FRS2: variants seen among roughly 807,000 people sequenced by gnomAD.
FRS2 encodes FGFR signalling adaptor.
In FRS2, 8 loss-of-function variants were observed where a neutral mutation model predicts 43.9. The ratio of observed to expected loss-of-function variants is 0.18; its 90% CI spans 0.11 to 0.33. The LOEUF is 0.33. FRS2 is among the 10% of genes least tolerant of loss of function. The pLI is 1.00. For missense variants in FRS2, 534 were observed against 627.6 expected (o/e 0.85, Z 1.59); for synonymous variants, 219 against 220.3 (o/e 0.99, Z 0.05).
At chr12:69,487,307 G>T (rs1872044475) in intron 1 of FRS2, among the ~76,000 whole-genome samples, 1 of 152,206 alleles carries the variant, frequency 6.6e-6, no homozygotes, top group Non-Finnish European at 1.5e-5. Flanking sequence ...CAAAGGACAG[G>T]CTGACTCTCT....
chr12:69,546,781 A>G (rs1241361937), intron 3 of FRS2, among the ~76,000 whole-genome samples: 1 of 152,196 alleles, frequency 6.6e-6, no homozygotes, highest in Non-Finnish European at 1.5e-5. Context: ...GTCGGTGAGA[A>G]TATAAAATGG....
At chr12:69,478,373 C>G (rs1592906796) in intron 1 of FRS2, among the ~76,000 whole-genome samples, 1 of 152,120 alleles carries the variant, frequency 6.6e-6, no homozygotes, top group East Asian at 1.9e-4. Flanking sequence ...TAAAATATAT[C>G]TAGTGTTATA....
At chr12:69,555,458 G>T (rs1021046433) in intron 3 of FRS2, among the ~76,000 whole-genome samples, 1 of 152,148 alleles carries the variant, frequency 6.6e-6, no homozygotes, top group Non-Finnish European at 1.5e-5. Context: ...GGATAGATGT[G>T]CTCGGATGCA....
rs143193166 is a variant in FRS2 at position 69,476,241 on chromosome 12, C to T, written c.-261+5711C>T. Reference sequence around the variant, plus strand: ...TTGAATTTAATTTTGTCAAGATTCACAGTCAATACTTATAACATATTTCAA... The same window carrying T: ...TTGAATTTAATTTTGTCAAGATTCATAGTCAATACTTATAACATATTTCAA... On this transcript the variant is annotated intron_variant, in intron 1 of 8. Coordinates refer to ENST00000549921, the MANE Select transcript of FRS2 (RefSeq NM_001278356.2). Among the ~76,000 whole-genome samples the T allele has an allele frequency of 9.2e-3, 1,400 of 152,334 alleles. 23 individuals are homozygous for T. The highest frequency in any genetic ancestry group is 0.031 in the African/African-American group (1,290 of 41,578).
intron 8 of FRS2, among the ~76,000 whole-genome samples, chr12:69,573,140 A>G (rs1412567454): frequency 6.6e-6 from 1 of 152,118 alleles, no homozygotes; most frequent in Non-Finnish European, 1.5e-5. Flanking sequence ...ACCCTTGTAA[A>G]TATTTTTATA....
Position 69,497,601 on chromosome 12 carries a change from A to T in FRS2, c.-261+27071A>T, listed in dbSNP as rs906355744. On this transcript the variant is annotated intron_variant, in intron 1 of 8. Coordinates refer to ENST00000549921, the MANE Select transcript of FRS2 (RefSeq NM_001278356.2). ...TGTTTTGGGTACTAGGTTTTAACATAAAATTTTAGGGGGATGCCAACATTC... is the reference window on the plus strand; with the variant it reads ...TGTTTTGGGTACTAGGTTTTAACATTAAATTTTAGGGGGATGCCAACATTC... Among the ~76,000 whole-genome samples, 133 of 152,294 alleles carry T rather than the reference A, an allele frequency of 8.7e-4. 1 individual carries two copies. Among genetic ancestry groups the T allele is most frequent in the African/African-American group, 2.6e-3 (109 of 41,562 alleles).
intron 1 of FRS2, among the ~76,000 whole-genome samples, chr12:69,529,478 G>T (rs938512360): frequency 6.6e-6 from 1 of 151,994 alleles, no homozygotes; most frequent in Non-Finnish European, 1.5e-5. Context: ...ACAAAAATTA[G>T]CCAGACGTGG....
In FRS2 at chr12:69,488,874, G is replaced by A. The variant is rs1329292969; in HGVS notation, c.-261+18344G>A. On this transcript the variant is annotated intron_variant, in intron 1 of 8. Coordinates refer to ENST00000549921, the MANE Select transcript of FRS2 (RefSeq NM_001278356.2). Reference sequence around the variant, plus strand: ...CTTATTAAGCATTAAGTGCAGAAGGGTAGGGACATGTTAAGAAAGTGGTCT... The same window carrying A: ...CTTATTAAGCATTAAGTGCAGAAGGATAGGGACATGTTAAGAAAGTGGTCT... Among the ~76,000 whole-genome samples, 6 of 152,328 alleles carry A rather than the reference G, an allele frequency of 3.9e-5. No individual in the cohort carries two copies. In the East Asian group the frequency reaches 1.2e-3, roughly 29 times the overall value.
chr12:69,485,737 G>A (rs998728235), intron 1 of FRS2, among the ~76,000 whole-genome samples: 2 of 152,142 alleles, frequency 1.3e-5, no homozygotes, highest in Admixed American at 1.3e-4. Context: ...CAAAGTGCTG[G>A]GATTACAGGC....
chr12:69,574,694 T>G lies in FRS2; in HGVS notation c.1266T>G (p.Phe422Leu), dbSNP rs751184690. Residue 422 changes from phenylalanine (F) to leucine (L), a missense_variant, in exon 9 of 9, where the codon TTT (phenylalanine) becomes TTG (leucine). Phe to Leu is a conservative substitution (Grantham distance 22). Coordinates refer to ENST00000549921, the MANE Select transcript of FRS2 (RefSeq NM_001278356.2). ...RRDCTPTVFN[F>L]DIRRPSLEHR... ...ACTGTACACCAACAGTCTTTAACTTTGATATCAGACGCCCAAGTTTAGAAC... is the reference window on the plus strand; with the variant it reads ...ACTGTACACCAACAGTCTTTAACTTGGATATCAGACGCCCAAGTTTAGAAC... 26 of 1,614,072 alleles carry G rather than the reference T, an allele frequency of 1.6e-5. No homozygotes were observed. The highest frequency in any genetic ancestry group is 4.0e-5 in the African/African-American group (3 of 74,932).
chr12:69,480,580 C>G (rs1871267031), intron 1 of FRS2, among the ~76,000 whole-genome samples: 1 of 152,234 alleles, frequency 6.6e-6, no homozygotes, highest in South Asian at 2.1e-4. Context: ...ATCTTCCTGT[C>G]TCAGCTTCCC....
chr12:69,541,685 T>C (rs1457809911), intron 3 of FRS2, among the ~76,000 whole-genome samples: 2 of 151,914 alleles, frequency 1.3e-5, no homozygotes, highest in Admixed American at 6.6e-5. Context: ...ATTAGCCACA[T>C]GCGGTGGCAT....
Position 69,574,747 on chromosome 12 carries a change from A to C in FRS2, c.1319A>C (p.Asp440Ala). ...EHRQLNYIQV[D>A]LEGGSDSDNP... The stretch of plus-strand genomic sequence containing the variant: ...AGGCAGCTTAATTACATACAGGTTG[A>C]CTTGGAAGGTGGCAGTGACTCTGAC... Residue 440 changes from aspartate (D) to alanine (A), a missense_variant, in exon 9 of 9, where the codon GAC becomes GCC. By Grantham distance (126) the Asp-to-Ala change is moderately radical (BLOSUM62 -2). Coordinates refer to ENST00000549921, the MANE Select transcript of FRS2 (RefSeq NM_001278356.2). The C allele has an allele frequency of 1.9e-6, 3 of 1,614,190 alleles. No homozygotes were observed. Among genetic ancestry groups the C allele is most frequent in the Non-Finnish European group, 2.5e-6 (3 of 1,180,038 alleles).
intron 1 of FRS2, among the ~76,000 whole-genome samples, chr12:69,522,918 C>A (rs1383197654): frequency 6.6e-6 from 1 of 152,096 alleles, no homozygotes; most frequent in East Asian, 1.9e-4. Context: ...GTCTTGAGTT[C>A]TATTTTTCTT....
At chr12:69,541,156 C>T (rs148076038) in intron 3 of FRS2, among the ~76,000 whole-genome samples, 7 of 152,098 alleles carry the variant, frequency 4.6e-5, no homozygotes, top group African/African-American at 7.2e-5. Flanking sequence ...GATTTTAGAT[C>T]GCATCCCACT....
chr12:69,486,896 A>T (rs1407102306), intron 1 of FRS2, among the ~76,000 whole-genome samples: 3 of 152,240 alleles, frequency 2.0e-5, no homozygotes, highest in Non-Finnish European at 2.9e-5. Context: ...TGCAGAAAAA[A>T]GGTTTGAAGC....
Position 69,485,115 on chromosome 12 carries a change from A to ACG in FRS2, c.-261+14586_-261+14587insGC, listed in dbSNP as rs1489674010. On this transcript the variant is annotated intron_variant, in intron 1 of 8. Coordinates refer to ENST00000549921, the MANE Select transcript of FRS2 (RefSeq NM_001278356.2). ...CACACACACACACACACACACACAC[A>ACG]CACACACACACACACACACACTCTC... is the stretch of plus-strand genomic sequence containing the variant. Among the ~76,000 whole-genome samples, 5 of 143,126 alleles carry ACG rather than the reference A, an allele frequency of 3.5e-5. 1 individual carries two copies. The East Asian group carries it at 1.2e-3, about 35-fold the overall frequency. The allele number at this position is 143,126 out of a possible 152,430, so 93.9% of individuals were successfully genotyped here.
intron 3 of FRS2, among the ~76,000 whole-genome samples, chr12:69,560,074 A>G (rs1879756250): frequency 6.6e-6 from 1 of 152,298 alleles, no homozygotes; most frequent in African/African-American, 2.4e-5. Context: ...TTTCCATGTC[A>G]TTCTGCAAGA....
At chr12:69,560,380 G>A (rs138360524) in intron 3 of FRS2, among the ~76,000 whole-genome samples, 4 of 152,246 alleles carry the variant, frequency 2.6e-5, no homozygotes, top group African/African-American at 7.2e-5. Context: ...GTTGACTGAC[G>A]GTCAAAGGCA....
Sources: allele counts gnomAD v4.1 joint callset (sites outside exome capture counted in the v4.1 genomes callset), GRCh38; gene constraint gnomAD v4.1.1; transcripts MANE v1.5; gene names NCBI Gene and HGNC (gene_info 2026-07-23, HGNC 2026-07-21).